The following MAP2K5 variants were observed in gnomAD, a reference collection of about 807,000 sequenced individuals.
MAP2K5 encodes dual specificity mitogen-activated protein kinase kinase 5.
Under a neutral mutation model 83.1 loss-of-function variants are expected in MAP2K5, and 49 were observed. That is an observed-to-expected ratio of 0.59 (90% CI 0.47 to 0.75). The LOEUF (loss-of-function observed/expected upper bound fraction) is 0.75, where lower values mean the gene tolerates loss of function less well. Among genes scored for constraint, MAP2K5 ranks in the 30% least tolerant of loss-of-function variants. The probability of loss-of-function intolerance (pLI) is 0.00; values close to 1 mark genes in which losing one functional copy is unlikely to be tolerated. For missense variants in MAP2K5, 457 were observed against 557.5 expected (o/e 0.82, Z 1.82); for synonymous variants, 202 against 191.8 (o/e 1.05, Z -0.44).
chr15:67,553,257 T>C (rs148945381), intron 2 of MAP2K5, among the ~76,000 whole-genome samples: 1 of 152,296 alleles, frequency 6.6e-6, no homozygotes, highest in East Asian at 1.9e-4. Context: ...CAAACACACA[T>C]CTTTTTGACT....
chr15:67,731,756 A>T (rs1259093086), intron 17 of MAP2K5, among the ~76,000 whole-genome samples: 1 of 152,186 alleles, frequency 6.6e-6, no homozygotes, highest in Non-Finnish European at 1.5e-5. Flanking sequence ...GGACTTGCAG[A>T]CAAATAAGCC....
intron 4 of MAP2K5, among the ~76,000 whole-genome samples, chr15:67,583,345 T>C (rs1272430750): frequency 6.6e-6 from 1 of 152,152 alleles, no homozygotes; most frequent in Non-Finnish European, 1.5e-5. Context: ...AGGAGGAAAT[T>C]ATATGAGATG....
At chr15:67,593,986 C>G (rs965163326) in intron 7 of MAP2K5, among the ~76,000 whole-genome samples, 2 of 152,202 alleles carry the variant, frequency 1.3e-5, no homozygotes, top group Non-Finnish European at 2.9e-5. Context: ...AATAGATGTG[C>G]ATGCCTTAAA....
At chr15:67,672,996 G>A (rs979317636) in intron 13 of MAP2K5, among the ~76,000 whole-genome samples, 4 of 151,936 alleles carry the variant, frequency 2.6e-5, no homozygotes, top group African/African-American at 9.7e-5. Context: ...ATTTCTGAGG[G>A]CTCTGTTCTG....
chr15:67,565,576 T>A lies in MAP2K5; in HGVS notation c.252+2226T>A, dbSNP rs949393377. Among the ~76,000 whole-genome samples the A allele has an allele frequency of 2.0e-5, 3 of 152,128 alleles. No homozygotes were observed. Among genetic ancestry groups the A allele is most frequent in the Admixed American group, 2.0e-4 (3 of 15,276 alleles). ...GAATAATTTGGGTTTATATAATACC[T>A]TAGTTGTGATTTCTGCACCATGTAT... is the stretch of plus-strand genomic sequence containing the variant. On this transcript the variant is annotated intron_variant, in intron 3 of 21. Transcript: ENST00000178640. The surrounding 1 kb of genome is among the most constrained non-coding windows in gnomAD (Gnocchi z 4.1).
intron 9 of MAP2K5, 109 bp from the exon 10 acceptor site, chr15:67,646,122 A>C: frequency 5.5e-6 from 3 of 541,634 alleles, no homozygotes; most frequent in Non-Finnish European, 9.9e-6. Flanking sequence ...AAGAAGAAGG[A>C]GGTGGGGAAG....
At chr15:67,703,454 A>G in intron 16 of MAP2K5, 46 bp downstream of exon 16, 1 of 1,421,146 alleles carries the variant, frequency 7.0e-7, no homozygotes, top group Non-Finnish European at 9.9e-7. Context: ...CTGTACTAAT[A>G]TATTCAATCA....
intron 13 of MAP2K5, among the ~76,000 whole-genome samples, chr15:67,673,539 G>A (rs765207646): frequency 1.3e-5 from 2 of 152,098 alleles, no homozygotes; most frequent in African/African-American, 2.4e-5. Flanking sequence ...AAATTTTGAT[G>A]TCAAGGTGGT....
chr15:67,643,668 G>A (rs935703953), intron 9 of MAP2K5, among the ~76,000 whole-genome samples: 10 of 151,996 alleles, frequency 6.6e-5, no homozygotes, highest in East Asian at 1.9e-4. Flanking sequence ...GGATGGTCTC[G>A]ATCTCCTGAC....
intron 21 of MAP2K5, among the ~76,000 whole-genome samples, chr15:67,804,525 G>A (rs532102558): frequency 6.6e-6 from 1 of 152,320 alleles, no homozygotes; most frequent in African/African-American, 2.4e-5. Context: ...CTCTCCCCTC[G>A]CCTACCGGGG....
chr15:67,625,415 A>G (rs568278784), intron 8 of MAP2K5, among the ~76,000 whole-genome samples: 57 of 152,344 alleles, frequency 3.7e-4, no homozygotes, highest in African/African-American at 1.2e-3. Flanking sequence ...TGCTTCCTCC[A>G]TGCAGTCATT....
rs76660402 is a variant in MAP2K5, at chr15:67,746,246, A to G, written c.1075-1985A>G. Among the ~76,000 whole-genome samples the G allele has an allele frequency of 0.013, 2,027 of 152,298 alleles. 43 individuals are homozygous for G. Among genetic ancestry groups the G allele is most frequent in the African/African-American group, 0.047 (1,938 of 41,550 alleles). On this transcript the variant is annotated intron_variant, in intron 17 of 21. Coordinates refer to ENST00000178640, the MANE Select transcript of MAP2K5 (RefSeq NM_145160.3). This position sits in a 1 kb window ranked among gnomAD's most constrained non-coding sequence, Gnocchi z 4.1. The stretch of plus-strand genomic sequence containing the variant: ...ACAGTGTTTCATAATCCATTTCTGA[A>G]TTCATTTCAAAACCTCTCACTTAGA...
chr15:67,543,147 G>A lies in MAP2K5; in HGVS notation c.-189G>A. 1.6e-6 allele frequency: 1 copy of A among 610,822 alleles called. No individual in the cohort carries two copies. 37.8% of individuals were successfully genotyped at this position (610,822 alleles called of 1,614,324 possible). ...AGACACCTCAGACCCCCGACAGCCT[G>A]GGCAGGCTCGGTGCCTGCGGGTGCG... On this transcript the variant is annotated 5_prime_UTR_variant, in exon 1 of 22. Transcript: ENST00000178640. The surrounding 1 kb of genome is among the most constrained non-coding windows in gnomAD (Gnocchi z 4.3).
chr15:67,776,119 C>A (rs2090233622), intron 21 of MAP2K5, among the ~76,000 whole-genome samples: 1 of 152,132 alleles, frequency 6.6e-6, no homozygotes, highest in Non-Finnish European at 1.5e-5. Context: ...CAGGAGTCAG[C>A]TTTAAACCCT....
At position 67,780,353 on chromosome 15, in the gene MAP2K5, T is replaced by A. The variant is rs1858010073; in HGVS notation, c.1242+7601T>A. On this transcript the variant is annotated intron_variant, in intron 21 of 21. Transcript: ENST00000178640. The surrounding 1 kb of genome is among the most constrained non-coding windows in gnomAD (Gnocchi z 5.0). The stretch of plus-strand genomic sequence containing the variant: ...GGAAACTCACTGGTTTAATACCTTT[T>A]TTCTTCCACTAGATTGTAAGTTCCT... Among the ~76,000 whole-genome samples, 1 of 152,190 alleles carries A rather than the reference T, an allele frequency of 6.6e-6. No homozygotes were observed. The highest frequency in any genetic ancestry group is 1.5e-5 in the Non-Finnish European group (1 of 68,028).
In MAP2K5 at chr15:67,611,428, G is replaced by A. The variant is rs548470833; in HGVS notation, c.545+10679G>A. Among the ~76,000 whole-genome samples, 9 of 152,250 alleles carry A rather than the reference G, an allele frequency of 5.9e-5. No homozygotes were observed. In the South Asian group the frequency reaches 1.0e-3, roughly 18 times the overall value. On this transcript the variant is annotated intron_variant, in intron 8 of 21. Coordinates refer to ENST00000178640, the MANE Select transcript of MAP2K5 (RefSeq NM_145160.3). ...ACAGCTGGGGTAACTGACCGAAGGG[G>A]CAAATGAGAAGTTTCCCTGCTCCTT... is the stretch of plus-strand genomic sequence containing the variant.
At chr15:67,560,865 G>C (rs1345303121) in intron 2 of MAP2K5, among the ~76,000 whole-genome samples, 2 of 152,042 alleles carry the variant, frequency 1.3e-5, no homozygotes, top group Non-Finnish European at 2.9e-5. Context: ...CTCTCCTTTT[G>C]TTCTTGATTG....
chr15:67,709,877 G>C (rs1278093283), intron 16 of MAP2K5, among the ~76,000 whole-genome samples: 1 of 152,166 alleles, frequency 6.6e-6, no homozygotes, highest in East Asian at 1.9e-4. Flanking sequence ...AAGGCACCAA[G>C]CCAGTCCTGT....
rs1344020579 is a variant in MAP2K5, at chr15:67,736,325, C to A, written c.1074+8380C>A. Among the ~76,000 whole-genome samples the A allele has an allele frequency of 6.6e-6, 1 of 152,208 alleles. No individual in the cohort carries two copies. Among genetic ancestry groups the A allele is most frequent in the East Asian group, 1.9e-4 (1 of 5,204 alleles). On this transcript the variant is annotated intron_variant, in intron 17 of 21. Coordinates refer to ENST00000178640, the MANE Select transcript of MAP2K5 (RefSeq NM_145160.3). The surrounding 1 kb of genome is among the most constrained non-coding windows in gnomAD (Gnocchi z 4.3). ...CACATGCCCCTGAGGGGTTCCCTGC[C>A]ACCCTTTATGAATTTGGCTTGGTAT...
Sources: gnomAD v4.1 joint callset for allele counts (sites outside exome capture counted in the v4.1 genomes callset) on GRCh38, gnomAD v4.1.1 for gene constraint, Gnocchi (gnomAD v3.1) non-coding constraint, MANE v1.5 for transcripts, NCBI Gene and HGNC (gene_info 2026-07-23, HGNC 2026-07-21) for gene names.